LDLRAD4: variants seen among roughly 807,000 people sequenced by gnomAD.
The protein encoded by LDLRAD4 is low density lipoprotein receptor class A domain containing 4, also known as low-density lipoprotein receptor class A domain-containing protein 4.
In LDLRAD4, 5 loss-of-function variants were observed where a neutral mutation model predicts 17.0. The ratio of observed to expected loss-of-function variants is 0.29; its 90% CI spans 0.15 to 0.62. The LOEUF (loss-of-function observed/expected upper bound fraction) is 0.62. Ranked by LOEUF, LDLRAD4 falls within the 20% of genes least tolerant of loss-of-function variation. The pLI, the probability that LDLRAD4 is intolerant of heterozygous loss-of-function variation, is 0.84. For missense variants in LDLRAD4, 340 were observed against 424.7 expected (o/e 0.80, Z 1.75); for synonymous variants, 168 against 171.8 (o/e 0.98, Z 0.17).
intron 3 of LDLRAD4, among the ~76,000 whole-genome samples, chr18:13,505,646 A>G (rs922029812): frequency 7.9e-5 from 12 of 152,058 alleles, no homozygotes; most frequent in Admixed American, 4.6e-4. Context: ...GGTGAAACTC[A>G]TCTCTACTAA....
chr18:13,352,142 C>A (rs1383540392), intron 1 of LDLRAD4, among the ~76,000 whole-genome samples: 1 of 152,144 alleles, frequency 6.6e-6, no homozygotes, highest in African/African-American at 2.4e-5. Flanking sequence ...TTATGACAGA[C>A]CCACAGCCAA....
At chr18:13,435,507 C>T (rs1241797961) in intron 2 of LDLRAD4, among the ~76,000 whole-genome samples, 1 of 152,182 alleles carries the variant, frequency 6.6e-6, no homozygotes, top group African/African-American at 2.4e-5. Context: ...GGAGCAGTAG[C>T]ATGATCATAG....
rs71174166 is a variant in LDLRAD4 at position 13,226,180 on chromosome 18, C to CTTTTTTTTTTTTTTTTTTTTTTTTTTTTT, written c.-467+7213_-467+7214insTTTTTTTTTTTTTTTTTTTTTTTTTTTTT. On this transcript the variant is annotated intron_variant, in intron 1 of 5. Coordinates refer to the LDLRAD4 transcript ENST00000399848. ...GGACTACAGATGCTGCCATGCCTTG[C>CTTTTTTTTTTTTTTTTTTTTTTTTTTTTT]TTTTTTTTTTTTTTTTTTTTTGTAG... 9.6e-5 allele frequency among the ~76,000 whole-genome samples: 5 copies of CTTTTTTTTTTTTTTTTTTTTTTTTTTTTT among 52,206 alleles called. 2 individuals are homozygous for CTTTTTTTTTTTTTTTTTTTTTTTTTTTTT. The highest frequency in any genetic ancestry group is 1.2e-3 in the East Asian group (2 of 1,636). 34.2% of individuals were successfully genotyped at this position (52,206 alleles called of 152,430 possible).
chr18:13,497,545 G>A (rs2093497069), intron 3 of LDLRAD4, among the ~76,000 whole-genome samples: 1 of 149,568 alleles, frequency 6.7e-6, no homozygotes, highest in Non-Finnish European at 1.5e-5. Context: ...TGTCAGTCTT[G>A]TAATGTTTTT....
chr18:13,228,290 C>T (rs1286260927), intron 1 of LDLRAD4, among the ~76,000 whole-genome samples: 1 of 152,172 alleles, frequency 6.6e-6, no homozygotes, highest in East Asian at 1.9e-4. Context: ...GGGGAGTACG[C>T]CTCTGCCACA....
intron 3 of LDLRAD4, among the ~76,000 whole-genome samples, chr18:13,534,396 A>G (rs915944719): frequency 5.3e-5 from 8 of 152,204 alleles, no homozygotes; most frequent in African/African-American, 1.9e-4. Context: ...TCCCCCATAA[A>G]CACGAATGTT....
chr18:13,432,071 G>A (rs1016550420), intron 2 of LDLRAD4, among the ~76,000 whole-genome samples: 6 of 152,128 alleles, frequency 3.9e-5, no homozygotes, highest in East Asian at 1.9e-4. Flanking sequence ...AGGGATTCAC[G>A]TTGATAACAC....
In LDLRAD4 at chr18:13,558,656, T is replaced by C. The variant is rs1055656360; in HGVS notation, c.182-62461T>C. Among the ~76,000 whole-genome samples the C allele has an allele frequency of 2.0e-5, 3 of 152,354 alleles. No homozygotes were observed. The East Asian group carries it at 5.8e-4, about 29-fold the overall frequency. On this transcript the variant is annotated intron_variant, in intron 3 of 5. Coordinates refer to ENST00000359446, the Ensembl canonical transcript of LDLRAD4. ...CTGAACGAGTCCCACGAGGACTTCATGTGTTTCTGGGTAATCTTCCATAGG... is the reference window on the plus strand; with the variant it reads ...CTGAACGAGTCCCACGAGGACTTCACGTGTTTCTGGGTAATCTTCCATAGG...
chr18:13,370,715 T>TTTTTTTGTTTTTTG (rs1555663262), intron 1 of LDLRAD4, among the ~76,000 whole-genome samples: 6 of 121,000 alleles, frequency 5.0e-5, no homozygotes, highest in Non-Finnish European at 8.0e-5. Context: ...TTTGTTTTGT[T>TTTTTTTGTTTTTTG]TTTTTTTTTT....
Position 13,499,479 on chromosome 18 carries a change from C to T in LDLRAD4, c.181+61095C>T, listed in dbSNP as rs368380156. 7.1e-4 allele frequency among the ~76,000 whole-genome samples: 95 copies of T among 134,158 alleles called. 1 individual carries two copies. Among genetic ancestry groups the T allele is most frequent in the Middle Eastern group, 0.01 (2 of 196 alleles). 88.0% of individuals were successfully genotyped at this position (134,158 alleles called of 152,430 possible). ...AGAATCCTTCTACTCACACACGTCC[C>T]GCCGTGGATACTGGAGAATCCTTCT... On this transcript the variant is annotated intron_variant, in intron 3 of 5. Transcript: ENST00000359446.
At chr18:13,309,976 G>T (rs2047135676) in intron 1 of LDLRAD4, among the ~76,000 whole-genome samples, 1 of 152,140 alleles carries the variant, frequency 6.6e-6, no homozygotes, top group Non-Finnish European at 1.5e-5. Context: ...AGATAATAGA[G>T]CTGTGCGGGC....
intron 2 of LDLRAD4, among the ~76,000 whole-genome samples, chr18:13,399,663 A>G (rs1254038283): frequency 6.6e-6 from 1 of 152,248 alleles, no homozygotes; most frequent in Non-Finnish European, 1.5e-5. Flanking sequence ...CCCATTTGCC[A>G]GTGGCATCTG....
chr18:13,287,335 T>C (rs1245312189), intron 1 of LDLRAD4, among the ~76,000 whole-genome samples: 1 of 152,220 alleles, frequency 6.6e-6, no homozygotes, highest in East Asian at 1.9e-4. Context: ...GTTATCAAGT[T>C]TTTGTTTGTT....
rs192129298 is a variant in LDLRAD4 at position 13,494,956 on chromosome 18, G to A, written c.181+56572G>A. Among the ~76,000 whole-genome samples, 339 of 151,840 alleles carry A rather than the reference G, an allele frequency of 2.2e-3. 3 individuals are homozygous for A. Among genetic ancestry groups the A allele is most frequent in the Middle Eastern group, 3.4e-3 (1 of 294 alleles). ...CTCATATTCAGCTTAAGGCACAAGC[G>A]AACCCCGTTTGCCTTCAACCCTGAG... On this transcript the variant is annotated intron_variant, in intron 3 of 5. Coordinates refer to ENST00000359446, the Ensembl canonical transcript of LDLRAD4.
intron 3 of LDLRAD4, among the ~76,000 whole-genome samples, chr18:13,496,182 TAA>T (rs1413090247): frequency 6.6e-6 from 1 of 152,126 alleles, no homozygotes; most frequent in Non-Finnish European, 1.5e-5. Context: ...AGGTTAATCA[TAA>T]GGAAATAAAT....
chr18:13,258,258 C>T (rs1033925138), intron 1 of LDLRAD4, among the ~76,000 whole-genome samples: 1 of 152,164 alleles, frequency 6.6e-6, no homozygotes, highest in African/African-American at 2.4e-5. Context: ...TCAGTAGGTA[C>T]GCTTACTTTT....
chr18:13,258,153 A>G (rs1190580239), intron 1 of LDLRAD4, among the ~76,000 whole-genome samples: 1 of 152,234 alleles, frequency 6.6e-6, no homozygotes, highest in Non-Finnish European at 1.5e-5. Flanking sequence ...TCATTTATTT[A>G]CTTAGTATTC....
At chr18:13,532,512 ATT>A (rs35060332) in intron 3 of LDLRAD4, among the ~76,000 whole-genome samples, 1 of 152,052 alleles carries the variant, frequency 6.6e-6, no homozygotes, top group African/African-American at 2.4e-5. Flanking sequence ...TGTCTTCCAC[ATT>A]TTCCTAAAGT....
chr18:13,560,647 A>G (rs1056304944), intron 3 of LDLRAD4, among the ~76,000 whole-genome samples: 1 of 152,200 alleles, frequency 6.6e-6, no homozygotes, highest in Admixed American at 6.5e-5. Flanking sequence ...CTTTTCTGAG[A>G]AGACCAGAAA....
Sources: allele counts gnomAD v4.1 joint callset (sites outside exome capture counted in the v4.1 genomes callset), GRCh38; gene constraint gnomAD v4.1.1; transcripts MANE v1.5; gene names NCBI Gene and HGNC (gene_info 2026-07-23, HGNC 2026-07-21).